PFKFB3: variants seen among roughly 807,000 people sequenced by gnomAD.
PFKFB3 encodes the protein 6-phosphofructo-2-kinase/fructose-2,6-biphosphatase 3.
In PFKFB3, 33 loss-of-function variants were observed where a neutral mutation model predicts 68.0. That is an observed-to-expected ratio of 0.49 (90% CI 0.37 to 0.65). PFKFB3 has a LOEUF of 0.65. PFKFB3 is among the 30% of genes least tolerant of loss of function. The pLI, the probability that PFKFB3 is intolerant of heterozygous loss-of-function variation, is 0.00. For synonymous variants in PFKFB3, 315 were observed against 288.2 expected (o/e 1.09, Z -0.94); for missense variants, 586 against 712.2 (o/e 0.82, Z 2.02).
rs1844489809 is a variant in PFKFB3 at position 6,215,272 on chromosome 10, A to G, written c.254A>G (p.Tyr85Cys). The G allele has an allele frequency of 6.2e-7, 1 of 1,613,840 alleles. No individual in the cohort carries two copies. The highest frequency in any genetic ancestry group is 2.2e-5 in the East Asian group (1 of 44,892). Residue 85 changes from tyrosine to cysteine, a missense_variant, in exon 3 of 15, where the codon TAC (tyrosine) becomes TGC (cysteine). Transcript: ENST00000379775. This position sits in a 1 kb window ranked among gnomAD's most constrained non-coding sequence, Gnocchi z 4.3. ...RREAVKQYSS[Y>C]NFFRPDNEEA... is the part of the protein sequence containing the mutation. ...GAGGCTGTGAAGCAGTACAGCTCCT[A>G]CAACTTCTTCCGCCCCGACAATGAG...
At chr10:6,158,529 G>A (rs1441209192) in intron 1 of PFKFB3, among the ~76,000 whole-genome samples, 1 of 152,160 alleles carries the variant, frequency 6.6e-6, no homozygotes, top group African/African-American at 2.4e-5. Context: ...TGGTACAAAT[G>A]CCTTGGAGGC....
intron 1 of PFKFB3, among the ~76,000 whole-genome samples, chr10:6,155,530 C>T (rs1297057379): frequency 3.3e-5 from 5 of 152,052 alleles, no homozygotes; most frequent in Non-Finnish European, 4.4e-5. Flanking sequence ...CCAGGGTTTC[C>T]GTGTAAATAC....
Position 6,220,934 on chromosome 10 carries a change from G to A in PFKFB3, c.831+69G>A. On this transcript the variant is annotated intron_variant, in intron 8 of 14. Coordinates refer to ENST00000379775, the MANE Select transcript of PFKFB3 (RefSeq NM_004566.4). The surrounding 1 kb of genome is among the most constrained non-coding windows in gnomAD (Gnocchi z 4.1). ...GTTGCAGGGTCTATAGGGTGGGTGG[G>A]GAGCTGTGTGCTGCTGCTGCTGCTG... The A allele has an allele frequency of 7.0e-7, 1 of 1,419,014 alleles. No individual in the cohort carries two copies. 87.9% of individuals were successfully genotyped at this position (1,419,014 alleles called of 1,614,324 possible).
In PFKFB3 at chr10:6,155,680, A is replaced by G. The variant is rs117601345; in HGVS notation, c.16+10667A>G. The stretch of plus-strand genomic sequence containing the variant: ...ACCCAGGCACCTGCTGACCGGGTTC[A>G]CTTCCAAATCAGGATACTGGCTTGT... On this transcript the variant is annotated intron_variant, in intron 1 of 14. Transcript: ENST00000379789. Among the ~76,000 whole-genome samples, 1,485 of 152,260 alleles carry G rather than the reference A, an allele frequency of 9.8e-3. 59 individuals are homozygous for G. Among genetic ancestry groups the G allele is most frequent in the Admixed American group, 0.068 (1,032 of 15,280 alleles).
chr10:6,313,963 GAGGC>G, the PFKFB3 span, among the ~76,000 whole-genome samples: 1 of 152,240 alleles, frequency 6.6e-6, no homozygotes, highest in South Asian at 2.1e-4. This position sits in a 1 kb window ranked among gnomAD's most constrained non-coding sequence, Gnocchi z 4.2. Flanking sequence ...GTGGGCAGAG[GAGGC>G]AGGCAGGGGA....
chr10:6,252,664 TG>T (rs1846406690), intron 14 of PFKFB3, among the ~76,000 whole-genome samples: 1 of 152,228 alleles, frequency 6.6e-6, no homozygotes, highest in Non-Finnish European at 1.5e-5. Flanking sequence ...TATAACACTA[TG>T]GAAAACTATG....
chr10:6,278,408 T>C, the PFKFB3 span, among the ~76,000 whole-genome samples: 1 of 151,946 alleles, frequency 6.6e-6, no homozygotes, highest in Non-Finnish European at 1.5e-5. Flanking sequence ...CCCGAGTAGC[T>C]GGGATTACAG....
the PFKFB3 span, among the ~76,000 whole-genome samples, chr10:6,311,715 C>T: frequency 3.3e-5 from 5 of 151,796 alleles, no homozygotes; most frequent in East Asian, 5.8e-4. Context: ...CACCACTGCA[C>T]GTCAGCGTGG....
chr10:6,265,986 C>T, the PFKFB3 span, among the ~76,000 whole-genome samples: 1 of 152,000 alleles, frequency 6.6e-6, no homozygotes, highest in Non-Finnish European at 1.5e-5. Context: ...TCATAGCTCA[C>T]TGCAGCCTTG....
rs1275633683 is a variant in PFKFB3 at position 6,233,533 on chromosome 10, C to CA, written c.*591_*592insA. 3 of 152,546 alleles carry CA rather than the reference C, an allele frequency of 2.0e-5. No homozygotes were observed. The highest frequency in any genetic ancestry group is 6.5e-5 in the Admixed American group (1 of 15,298). 9.4% of individuals were successfully genotyped at this position (152,546 alleles called of 1,614,324 possible). ...CTGAGACGCAAGTTGGCTGGGTGGT[C>CA]CGCACCCTGGCTCTCCTGCAGGTCC... On this transcript the variant is annotated 3_prime_UTR_variant, in exon 15 of 15. Transcript: ENST00000379775.
downstream of PFKFB3, among the ~76,000 whole-genome samples, chr10:6,240,350 C>T (rs192590727): frequency 2.6e-5 from 4 of 152,172 alleles, no homozygotes; most frequent in Non-Finnish European, 4.4e-5. Context: ...CTGGAAACTC[C>T]GCCTCCTGGG....
At chr10:6,171,025 A>G (rs994943925) in intron 1 of PFKFB3, among the ~76,000 whole-genome samples, 6 of 151,338 alleles carry the variant, frequency 4.0e-5, no homozygotes, top group African/African-American at 9.7e-5. Flanking sequence ...TTTCTTCTCT[A>G]TTTTATTATT....
chr10:6,320,235 T>A, the PFKFB3 span, among the ~76,000 whole-genome samples: 2 of 152,012 alleles, frequency 1.3e-5, no homozygotes, highest in African/African-American at 4.8e-5. Flanking sequence ...GAAGAATGCA[T>A]CTTCTAAGAG....
chr10:6,206,158 C>T (rs1034361887), intron 1 of PFKFB3, among the ~76,000 whole-genome samples: 4 of 146,146 alleles, frequency 2.7e-5, no homozygotes, highest in South Asian at 4.5e-4. Context: ...TGACTCTCAA[C>T]GAGCATGCTG....
At chr10:6,216,939 AT>A (rs1228620330) in intron 5 of PFKFB3, among the ~76,000 whole-genome samples, 159 bp downstream of exon 5, 2 of 151,700 alleles carry the variant, frequency 1.3e-5, no homozygotes, top group Non-Finnish European at 2.9e-5. Flanking sequence ...GTGGCCTTAA[AT>A]TTGGGCCTTT....
chr10:6,302,207 A>G, the PFKFB3 span, among the ~76,000 whole-genome samples: 1 of 151,368 alleles, frequency 6.6e-6, no homozygotes, highest in Non-Finnish European at 1.5e-5. Flanking sequence ...GGTATGCGCC[A>G]CCACATCCAG....
the PFKFB3 span, among the ~76,000 whole-genome samples, chr10:6,298,988 G>A: frequency 6.6e-6 from 1 of 152,112 alleles, no homozygotes; most frequent in African/African-American, 2.4e-5. Context: ...AACCCATGCT[G>A]GTGCATCCTG....
At chr10:6,279,832 C>T in the PFKFB3 span, among the ~76,000 whole-genome samples, 10 of 152,172 alleles carry the variant, frequency 6.6e-5, no homozygotes, top group Non-Finnish European at 1.5e-4. Flanking sequence ...CACTCCTATG[C>T]GGAAGGTGCT....
chr10:6,271,717 A>G, the PFKFB3 span, among the ~76,000 whole-genome samples: 20 of 152,346 alleles, frequency 1.3e-4, 2 homozygotes, highest in South Asian at 8.3e-4. Context: ...TGAATGTTCA[A>G]TAAAGGTAAC....
Sources: allele counts gnomAD v4.1 joint callset (sites outside exome capture counted in the v4.1 genomes callset), GRCh38; gene constraint gnomAD v4.1.1; non-coding constraint Gnocchi (gnomAD v3.1); transcripts MANE v1.5; gene names NCBI Gene and HGNC (gene_info 2026-07-23, HGNC 2026-07-21).